Variants in ATP1A1 observed in about 807,000 individuals in gnomAD.
The protein encoded by ATP1A1 is ATPase Na+/K+ transporting subunit alpha 1, also known as sodium/potassium-transporting ATPase subunit alpha-1.
Under a neutral mutation model 114.8 loss-of-function variants are expected in ATP1A1, and 14 were observed. That is an observed-to-expected ratio of 0.12 (90% CI 0.08 to 0.19). ATP1A1 has a LOEUF of 0.19. Ranked by LOEUF, ATP1A1 falls within the 10% of genes least tolerant of loss-of-function variation. ATP1A1 has a pLI of 1.00. For synonymous variants in ATP1A1, 471 were observed against 466.3 expected, an observed-to-expected ratio of 1.01 and a Z score of -0.13; for missense variants, 524 against 1,290.7, an observed-to-expected ratio of 0.41 and a Z score of 9.10.
At chr1:116,376,211 C>T (rs754725969) in intron 1 of ATP1A1, among the ~76,000 whole-genome samples, 20 of 151,792 alleles carry the variant, frequency 1.3e-4, no homozygotes, top group Non-Finnish European at 2.4e-4. Flanking sequence ...TATTATTTAC[C>T]GAAAAAATAA....
Position 116,388,061 on chromosome 1 carries a change from C to A in ATP1A1, c.388-70C>A. 2 of 1,029,854 alleles carry A rather than the reference C, an allele frequency of 1.9e-6. No homozygotes were observed. The highest frequency in any genetic ancestry group is 1.4e-5 in the South Asian group (1 of 70,122). 63.8% of individuals were successfully genotyped at this position (1,029,854 alleles called of 1,614,324 possible). A position where few individuals can be genotyped will look rare whatever the true frequency, so the allele number is the denominator to read the frequency against. Reference sequence around the variant, plus strand: ...ATTAAAAATCTGTTTTTTATTCAGTCAAAAAATTAATTGAATGTCCCTAAT... The same window carrying A: ...ATTAAAAATCTGTTTTTTATTCAGTAAAAAAATTAATTGAATGTCCCTAAT... On this transcript the variant is annotated intron_variant, in intron 4 of 22. Coordinates refer to ENST00000295598, the MANE Select transcript of ATP1A1 (RefSeq NM_000701.8). The surrounding 1 kb of genome is among the most constrained non-coding windows in gnomAD (Gnocchi z 5.6).
At position 116,399,177 on chromosome 1, in the gene ATP1A1, C is replaced by T. The variant is rs576602118; in HGVS notation, c.2448+93C>T. On this transcript the variant is annotated intron_variant, in intron 17 of 22. Transcript: ENST00000295598. The surrounding 1 kb of genome is among the most constrained non-coding windows in gnomAD (Gnocchi z 5.0). ...ATGCTCCCAGCATCCATGAGGCTGGCGTTGGGAAAAGAAATTCTCAGGACC... is the reference window on the plus strand; with the variant it reads ...ATGCTCCCAGCATCCATGAGGCTGGTGTTGGGAAAAGAAATTCTCAGGACC... 1.0e-5 allele frequency: 16 copies of T among 1,559,458 alleles called. No individual in the cohort carries two copies. The highest frequency in any genetic ancestry group is 5.4e-5 in the African/African-American group (4 of 73,884).
At chr1:116,382,286 C>G (rs1184500464) in intron 1 of ATP1A1, 2 of 152,056 alleles carry the variant, frequency 1.3e-5, no homozygotes, top group Non-Finnish European at 2.9e-5. Flanking sequence ...TATGATATAC[C>G]TTTAATTAAA....
chr1:116,401,527 GT>G lies in ATP1A1; in HGVS notation c.2850-21del. ...ATAAACCTTTATTTGCACCTTTTAAGTTTTTTCTCCCCTACTTTGATTTTAG... is the reference window on the plus strand; with the variant it reads ...ATAAACCTTTATTTGCACCTTTTAAGTTTTTCTCCCCTACTTTGATTTTAG... On this transcript the variant is annotated intron_variant, in intron 20 of 22. Transcript: ENST00000295598. This position sits in a 1 kb window ranked among gnomAD's most constrained non-coding sequence, Gnocchi z 4.7. The G allele has an allele frequency of 6.2e-7, 1 of 1,610,896 alleles. No homozygotes were observed. The highest frequency in any genetic ancestry group is 1.1e-5 in the South Asian group (1 of 90,896).
intron 18 of ATP1A1, among the ~76,000 whole-genome samples, chr1:116,400,284 C>T (rs994170687): frequency 6.6e-6 from 1 of 152,196 alleles, no homozygotes; most frequent in Admixed American, 6.5e-5. Context: ...GCTGGTGGCC[C>T]ATCCTGACCT....
Position 116,384,801 on chromosome 1 carries a change from C to G in ATP1A1, c.142C>G (p.Leu48Val). The G allele has an allele frequency of 6.2e-7, 1 of 1,613,268 alleles. No homozygotes were observed. The highest frequency in any genetic ancestry group is 8.5e-7 in the Non-Finnish European group (1 of 1,179,694). ...EVSMDDHKLSLDELHRKYGTD... is the reference protein window; with the variant it reads ...EVSMDDHKLSVDELHRKYGTD... ...CCCTTAGGATGATCATAAACTTAGCCTTGATGAACTTCATCGTAAATATGG... is the reference window on the plus strand; with the variant it reads ...CCCTTAGGATGATCATAAACTTAGCGTTGATGAACTTCATCGTAAATATGG... Residue 48 changes from leucine (L) to valine (V), a missense_variant, in exon 3 of 23, where the codon CTT becomes GTT. By Grantham distance (32) the Leu-to-Val change is conservative. This residue lies in a region of ATP1A1 where 141 missense variants were observed against 316.6 expected (regional missense o/e 0.45). Coordinates refer to ENST00000295598, the MANE Select transcript of ATP1A1 (RefSeq NM_000701.8). This position sits in a 1 kb window ranked among gnomAD's most constrained non-coding sequence, Gnocchi z 5.1.
chr1:116,387,224 G>A lies in ATP1A1; in HGVS notation c.184-64G>A. The A allele has an allele frequency of 7.0e-6, 11 of 1,572,796 alleles. No homozygotes were observed. The highest frequency in any genetic ancestry group is 3.4e-5 in the South Asian group (3 of 89,374). On this transcript the variant is annotated intron_variant, in intron 3 of 22. Transcript: ENST00000295598. The surrounding 1 kb of genome is among the most constrained non-coding windows in gnomAD (Gnocchi z 6.7). ...CCTTATTGCAACCGTCCAGCTACCA[G>A]GTAGGTATATTGCCTTGTAAGTGCT...
intron 10 of ATP1A1, chr1:116,392,179 A>G (rs1320661131): frequency 6.6e-6 from 1 of 152,240 alleles, no homozygotes; most frequent in African/African-American, 2.4e-5. Context: ...ATGTCAAAAT[A>G]TAAGTGTGTC....
In ATP1A1 at chr1:116,389,981, G is replaced by A. The variant is rs10924078; in HGVS notation, c.1024-232G>A. The A allele has an allele frequency of 0.016, 10,456 of 664,852 alleles. 693 individuals are homozygous for A. Among genetic ancestry groups the A allele is most frequent in the African/African-American group, 0.15 (8,518 of 54,958 alleles). 41.2% of individuals were successfully genotyped at this position (664,852 alleles called of 1,614,324 possible). On this transcript the variant is annotated intron_variant, in intron 8 of 22. Coordinates refer to ENST00000295598, the MANE Select transcript of ATP1A1 (RefSeq NM_000701.8). The surrounding 1 kb of genome is among the most constrained non-coding windows in gnomAD (Gnocchi z 6.9). ...AGAAAGGAGAAGAACTTGGGATCAAGTAGGGGGATAGAATATGGTAGAATC... is the reference window on the plus strand; with the variant it reads ...AGAAAGGAGAAGAACTTGGGATCAAATAGGGGGATAGAATATGGTAGAATC...
chr1:116,373,370 T>TTCCCC lies in ATP1A1; in HGVS notation c.-142_-141insTCCCC. 1.2e-5 allele frequency: 4 copies of TTCCCC among 333,832 alleles called. No individual in the cohort carries two copies. Among genetic ancestry groups the TTCCCC allele is most frequent in the East Asian group, 8.9e-5 (1 of 11,240 alleles). The allele number at this position is 333,832 out of a possible 1,614,324, so 20.7% of individuals were successfully genotyped here. ...CATCGGCCCGAGCCGCCGGCCGCCC[T>TTCCCC]CCCACCCTCCCGCCCCGCGGCAGCC... On this transcript the variant is annotated 5_prime_UTR_variant, in exon 1 of 23. Coordinates refer to ENST00000295598, the MANE Select transcript of ATP1A1 (RefSeq NM_000701.8).
At position 116,389,919 on chromosome 1, in the gene ATP1A1, C is replaced by T; in HGVS notation, c.1023+212C>T. On this transcript the variant is annotated intron_variant, in intron 8 of 22. Transcript: ENST00000295598. This position sits in a 1 kb window ranked among gnomAD's most constrained non-coding sequence, Gnocchi z 6.9. Reference sequence around the variant, plus strand: ...AGATAACCCCAAAGCATACATTTTGCTTTTAAATTATCACGTGGTCCTGAA... The same window carrying T: ...AGATAACCCCAAAGCATACATTTTGTTTTTAAATTATCACGTGGTCCTGAA... The T allele has an allele frequency of 1.2e-6, 1 of 829,192 alleles. No individual in the cohort carries two copies. Among genetic ancestry groups the T allele is most frequent in the South Asian group, 1.8e-5 (1 of 54,236 alleles). 51.4% of individuals were successfully genotyped at this position (829,192 alleles called of 1,614,324 possible).
chr1:116,375,268 C>G (rs1651289094), intron 1 of ATP1A1, among the ~76,000 whole-genome samples: 1 of 152,256 alleles, frequency 6.6e-6, no homozygotes. Flanking sequence ...GTCCCTGATT[C>G]TTGAACAGCC....
chr1:116,376,321 TG>T (rs1354144752), intron 1 of ATP1A1, among the ~76,000 whole-genome samples: 1 of 152,224 alleles, frequency 6.6e-6, no homozygotes, highest in Non-Finnish European at 1.5e-5. Flanking sequence ...CCTGGTTGTA[TG>T]GTAATGTTAT....
In ATP1A1 at chr1:116,390,423, G is replaced by A; in HGVS notation, c.1222+12G>A. The A allele has an allele frequency of 1.2e-6, 2 of 1,611,182 alleles. No homozygotes were observed. Among genetic ancestry groups the A allele is most frequent in the African/African-American group, 2.7e-5 (2 of 74,670 alleles). On this transcript the variant is annotated intron_variant, in intron 9 of 22. Transcript: ENST00000295598. ...AGAGAATCAGAGTGGTAAGGCCAGG[G>A]TTACCACACACCTCAGCCACCTGCT...
At chr1:116,396,534 G>A (rs1457108104) in intron 13 of ATP1A1, 64 bp from the exon 14 acceptor site, 2 of 1,582,286 alleles carry the variant, frequency 1.3e-6, no homozygotes, top group Non-Finnish European at 1.7e-6. Flanking sequence ...TTGCCTACTG[G>A]ATATAAGACT....
chr1:116,373,388 C>CTT lies in ATP1A1; in HGVS notation c.-124_-123insTT, dbSNP rs1651119563. The CTT allele has an allele frequency of 1.2e-6, 1 of 809,464 alleles. No homozygotes were observed. The highest frequency in any genetic ancestry group is 1.7e-6 in the Non-Finnish European group (1 of 575,576). The allele number at this position is 809,464 out of a possible 1,614,324, so 50.1% of individuals were successfully genotyped here. A position where few individuals can be genotyped will look rare whatever the true frequency, so the allele number is the denominator to read the frequency against. ...GCCGCCCTCCCACCCTCCCGCCCCG[C>CTT]GGCAGCCCTAGCTCCCTCCACTTGG... On this transcript the variant is annotated 5_prime_UTR_variant, in exon 1 of 23. Coordinates refer to ENST00000295598, the MANE Select transcript of ATP1A1 (RefSeq NM_000701.8).
Position 116,398,118 on chromosome 1 carries a change from T to C in ATP1A1, c.2124+80T>C, listed in dbSNP as rs1238790351. ...AGTTCCAGTGGAAACAGAGCAACGG[T>C]GATGGATGGATGCATACCTCGCTGT... On this transcript the variant is annotated intron_variant, in intron 15 of 22. Transcript: ENST00000295598. The surrounding 1 kb of genome is among the most constrained non-coding windows in gnomAD (Gnocchi z 6.1). The C allele has an allele frequency of 1.3e-6, 2 of 1,555,138 alleles. No homozygotes were observed. Among genetic ancestry groups the C allele is most frequent in the African/African-American group, 1.4e-5 (1 of 73,356 alleles).
chr1:116,379,139 G>A (rs1167990526), intron 1 of ATP1A1, among the ~76,000 whole-genome samples: 2 of 152,240 alleles, frequency 1.3e-5, no homozygotes, highest in Non-Finnish European at 2.9e-5. Flanking sequence ...CATGCAGGCA[G>A]ATTGGGGAGG....
chr1:116,382,778 T>C (rs1443029809), intron 1 of ATP1A1, among the ~76,000 whole-genome samples: 10 of 152,262 alleles, frequency 6.6e-5, no homozygotes, highest in Non-Finnish European at 1.5e-5. Context: ...AGTGAAATTA[T>C]AATCTGGACA....
Sources: gnomAD v4.1 joint callset for allele counts (sites outside exome capture counted in the v4.1 genomes callset) on GRCh38, gnomAD v4.1.1 for gene constraint, gnomAD v4.1.1 regional missense constraint, Gnocchi (gnomAD v3.1) non-coding constraint, MANE v1.5 for transcripts, NCBI Gene and HGNC (gene_info 2026-07-23, HGNC 2026-07-21) for gene names.